POLR1C: variants seen among roughly 807,000 people sequenced by gnomAD.
The protein encoded by POLR1C is DNA-directed RNA polymerases I and III subunit RPAC1.
A neutral mutation model predicts 38.3 loss-of-function variants in POLR1C; 42 were observed. The observed-to-expected ratio is 1.10, with a 90% confidence interval of 0.86 to 1.42. The LOEUF (loss-of-function observed/expected upper bound fraction) is 1.42. Ranked by LOEUF, POLR1C falls within the 40% of genes most tolerant of loss-of-function variation. The pLI is 0.00. For synonymous variants in POLR1C, 163 were observed against 163.9 expected, an observed-to-expected ratio of 0.99 and a Z score of 0.04; for missense variants, 507 against 450.5, an observed-to-expected ratio of 1.13 and a Z score of -1.14.
chr6:43,524,444 G>A (rs775193206), downstream of POLR1C: 35 of 1,606,528 alleles, frequency 2.2e-5, no homozygotes, highest in Admixed American at 8.4e-5. Context: ...AGGGGGTTGG[G>A]AGCACTATTG....
downstream of POLR1C, chr6:43,530,663 T>G: frequency 6.2e-7 from 1 of 1,609,268 alleles, no homozygotes; most frequent in Non-Finnish European, 8.5e-7. Context: ...CCTTTTGGGT[T>G]ATGTAGAGAC....
At chr6:43,525,511 A>C, downstream of POLR1C, 1 of 497,012 alleles carries the variant, frequency 2.0e-6, no homozygotes, top group East Asian at 3.4e-5. Context: ...GTGTATTGCC[A>C]GTCAAAAAGA....
chr6:43,520,563 G>T, intron 6 of POLR1C, 62 bp from the exon 7 acceptor site: 1 of 1,601,716 alleles, frequency 6.2e-7, no homozygotes, highest in Non-Finnish European at 8.5e-7. Flanking sequence ...AGTAGCTTAG[G>T]AGGAGTATTC....
downstream of POLR1C, chr6:43,525,899 C>G (rs1481209626): frequency 6.2e-7 from 1 of 1,613,868 alleles, no homozygotes; most frequent in Admixed American, 1.7e-5. Context: ...AGGGGGTGAC[C>G]TCTGTGGCCA....
At chr6:43,522,778 C>T (rs778299264), downstream of POLR1C, 2 of 454,614 alleles carry the variant, frequency 4.4e-6, no homozygotes, top group Non-Finnish European at 4.7e-6. Flanking sequence ...ACACTGGTTT[C>T]TGTATGGATT....
At chr6:43,539,563 G>A in intron 9 of POLR1C, 1 of 1,378,764 alleles carries the variant, frequency 7.3e-7, no homozygotes, top group Non-Finnish European at 1.0e-6. Flanking sequence ...GAGCTCCGCG[G>A]CCTCAGCCCC....
intron 8 of POLR1C, chr6:43,526,942 A>C: frequency 1.7e-6 from 1 of 576,208 alleles, no homozygotes; most frequent in South Asian, 2.1e-5. Flanking sequence ...TTGGTCCTTC[A>C]AGTTCAACTA....
At chr6:43,539,097 C>T in intron 9 of POLR1C, 1 of 1,310,376 alleles carries the variant, frequency 7.6e-7, no homozygotes, top group Non-Finnish European at 1.1e-6. Flanking sequence ...GAGACAATGC[C>T]AGTGCCCCTG....
At chr6:43,531,506 C>T (rs2127708224), downstream of POLR1C, 8 of 1,613,852 alleles carry the variant, frequency 5.0e-6, no homozygotes, top group Non-Finnish European at 6.8e-6. Flanking sequence ...AGAGAAGAAA[C>T]GCTGCATTCT....
chr6:43,547,517 G>GA (rs1266551154), intron 9 of POLR1C: 3 of 1,247,124 alleles, frequency 2.4e-6, no homozygotes, highest in Non-Finnish European at 3.5e-6. Context: ...CACCAGTATA[G>GA]AAAAAACAAA....
chr6:43,554,643 T>C (rs181262939), intron 10 of POLR1C, among the ~76,000 whole-genome samples: 1 of 152,144 alleles, frequency 6.6e-6, no homozygotes, highest in Non-Finnish European at 1.5e-5. Flanking sequence ...AGGCTGGTCT[T>C]GAACTCCTGA....
Position 43,547,673 on chromosome 6 carries a change from C to T in POLR1C, c.*5-3295C>T, listed in dbSNP as rs1253556734. ...TCACAGCTCTTCTGATCTGTACCCA[C>T]ATACGCAATGAAAGCATCAACATCT... On this transcript the variant is annotated intron_variant, in intron 9 of 10. Transcript: ENST00000607635. 3.1e-6 allele frequency: 5 copies of T among 1,614,008 alleles called. No homozygotes were observed. In the South Asian group the frequency reaches 3.3e-5, roughly 11 times the overall value.
At chr6:43,530,600 C>T, downstream of POLR1C, 2 of 1,461,102 alleles carry the variant, frequency 1.4e-6, no homozygotes, top group Non-Finnish European at 9.3e-7. Flanking sequence ...TCCAGTTCTG[C>T]CTCTTCCCTC....
At chr6:43,529,075 C>A (rs1454866194) in intron 8 of POLR1C, 1 of 1,108,258 alleles carries the variant, frequency 9.0e-7, no homozygotes, top group Non-Finnish European at 1.3e-6. Flanking sequence ...TCTTAAAGTT[C>A]TTTTCCTAAA....
intron 9 of POLR1C, among the ~76,000 whole-genome samples, chr6:43,545,074 T>C (rs138830564): frequency 0.011 from 1,733 of 152,078 alleles, 16 homozygotes; most frequent in Non-Finnish European, 0.019. Context: ...GGTTTCATCA[T>C]GTTGGCCAGG....
chr6:43,527,386 C>T (rs895004271), intron 8 of POLR1C: 1 of 326,790 alleles, frequency 3.1e-6, no homozygotes, highest in Middle Eastern at 9.7e-4. Flanking sequence ...ATTCTCCTAC[C>T]TCAGCCTCCT....
downstream of POLR1C, chr6:43,525,075 G>T (rs1163531478): frequency 6.4e-7 from 1 of 1,570,024 alleles, no homozygotes; most frequent in East Asian, 2.3e-5. Flanking sequence ...AACCTTCCAT[G>T]AGGGGCAGGG....
intron 9 of POLR1C, chr6:43,547,549 G>T: frequency 1.3e-6 from 2 of 1,522,742 alleles, no homozygotes; most frequent in Admixed American, 1.7e-5. Context: ...CTTGACAAAA[G>T]ACAACACCCT....
chr6:43,556,421 A>C (rs1412832498), intron 10 of POLR1C, among the ~76,000 whole-genome samples: 1 of 151,540 alleles, frequency 6.6e-6, no homozygotes, highest in East Asian at 1.9e-4. Context: ...GTAACTTGGG[A>C]GAGTGAGGTA....
Sources: allele counts gnomAD v4.1 joint callset (sites outside exome capture counted in the v4.1 genomes callset), GRCh38; gene constraint gnomAD v4.1.1; transcripts MANE v1.5; gene names NCBI Gene and HGNC (gene_info 2026-07-23, HGNC 2026-07-21).